Variants in GPHN observed in about 807,000 individuals in gnomAD.
GPHN encodes gephyrin.
Under a neutral mutation model 95.5 loss-of-function variants are expected in GPHN, and 17 were observed. The ratio of observed to expected loss-of-function variants is 0.18; its 90% CI spans 0.12 to 0.27. GPHN has a LOEUF of 0.27. Among genes scored for constraint, GPHN ranks in the 10% least tolerant of loss-of-function variants. The pLI is 1.00. For synonymous variants in GPHN, 320 were observed against 322.5 expected (o/e 0.99, Z 0.08); for missense variants, 660 against 978.1 (o/e 0.67, Z 4.34).
At chr14:67,169,094 G>C in intron 21 of GPHN, 58 bp downstream of exon 21, 2 of 1,007,738 alleles carry the variant, frequency 2.0e-6, no homozygotes, top group Non-Finnish European at 3.2e-6. Context: ...TTAGGGATAT[G>C]ATTTCCTAAC....
chr14:66,710,434 AC>A (rs1430697247), intron 2 of GPHN, among the ~76,000 whole-genome samples: 2 of 152,298 alleles, frequency 1.3e-5, no homozygotes, highest in East Asian at 1.9e-4. Context: ...AGAAGCTGTT[AC>A]CCAGGTCGTG....
chr14:67,312,120 T>A, the GPHN span: 2 of 153,138 alleles, frequency 1.3e-5, no homozygotes, highest in African/African-American at 4.8e-5. Flanking sequence ...TCTCTCAAGC[T>A]TTTGAGGCAC....
chr14:67,171,658 C>T lies in GPHN; in HGVS notation c.2079+2622C>T, dbSNP rs933205128. ...TATAAGTCCCTCATGCCCATCCCCC[C>T]CTCACAAACACAGCCAGAACAATGA... On this transcript the variant is annotated intron_variant, in intron 21 of 22. Transcript: ENST00000478722. Among the ~76,000 whole-genome samples the T allele has an allele frequency of 1.4e-4, 21 of 152,218 alleles. No homozygotes were observed. In the South Asian group the frequency reaches 2.1e-3, roughly 15 times the overall value.
intron 17 of GPHN, among the ~76,000 whole-genome samples, chr14:67,131,543 A>G (rs1052472613): frequency 8.5e-5 from 13 of 152,172 alleles, no homozygotes; most frequent in East Asian, 1.9e-4. Context: ...AGCAGGCCAG[A>G]AAGTATGGTA....
chr14:67,650,643 T>C, the GPHN span: 12 of 1,412,628 alleles, frequency 8.5e-6, no homozygotes, highest in Middle Eastern at 7.3e-4. Flanking sequence ...GTTCTCCCTG[T>C]CCCAGTGGGA....
At chr14:67,223,962 T>C in the GPHN span, 7 of 985,214 alleles carry the variant, frequency 7.1e-6, no homozygotes, top group Non-Finnish European at 8.4e-6. Context: ...TTCTAATTTA[T>C]ATTATAGGCG....
At chr14:67,692,524 G>A in the GPHN span, 50 of 1,613,224 alleles carry the variant, frequency 3.1e-5, no homozygotes, top group East Asian at 1.3e-4. Context: ...GTTCCCTGTC[G>A]TGGTCTGGAT....
At chr14:66,602,170 A>G (rs1456387755) in intron 1 of GPHN, among the ~76,000 whole-genome samples, 1 of 151,980 alleles carries the variant, frequency 6.6e-6, no homozygotes, top group Non-Finnish European at 1.5e-5. Flanking sequence ...TTTATGACTA[A>G]TAATTTCTAT....
intron 1 of GPHN, among the ~76,000 whole-genome samples, chr14:66,580,671 A>G (rs187991994): frequency 6.6e-6 from 1 of 151,954 alleles, no homozygotes; most frequent in East Asian, 1.9e-4. Flanking sequence ...AGGAAGTTGA[A>G]TCAGCAGTCA....
chr14:67,673,583 T>C, the GPHN span, among the ~76,000 whole-genome samples: 1 of 152,306 alleles, frequency 6.6e-6, no homozygotes, highest in East Asian at 1.9e-4. Context: ...ACAATAAATA[T>C]ATATTAAATA....
At chr14:67,543,557 C>G in the GPHN span, among the ~76,000 whole-genome samples, 1 of 152,198 alleles carries the variant, frequency 6.6e-6, no homozygotes, top group African/African-American at 2.4e-5. Flanking sequence ...CCAGTCCTCT[C>G]AATTGAAGTC....
chr14:67,104,169 T>A (rs1276200260), intron 13 of GPHN, among the ~76,000 whole-genome samples: 2 of 152,226 alleles, frequency 1.3e-5, no homozygotes, highest in African/African-American at 4.8e-5. Flanking sequence ...TGTATCACAT[T>A]TATTGATGGG....
At chr14:67,721,740 T>G in the GPHN span, among the ~76,000 whole-genome samples, 2 of 550 alleles carry the variant, frequency 3.6e-3, no homozygotes, top group African/African-American at 0.011. Context: ...CAAGTGGGGA[T>G]ATATATATAT....
At chr14:66,671,376 T>C (rs1459353172) in intron 1 of GPHN, among the ~76,000 whole-genome samples, 1 of 152,182 alleles carries the variant, frequency 6.6e-6, no homozygotes, top group East Asian at 1.9e-4. Context: ...TGGCTGGAAA[T>C]GTAATTTGAA....
the GPHN span, among the ~76,000 whole-genome samples, chr14:67,195,064 G>C: frequency 6.6e-6 from 1 of 152,150 alleles, no homozygotes; most frequent in African/African-American, 2.4e-5. Context: ...TAGTGCACAG[G>C]TATCTCAAAT....
chr14:66,672,165 T>A (rs74057239), intron 1 of GPHN, among the ~76,000 whole-genome samples: 10,300 of 152,188 alleles, frequency 0.068, 847 homozygotes, highest in African/African-American at 0.19. Flanking sequence ...AATAAAAATA[T>A]TTCTAAATAT....
At chr14:67,725,075 G>C in the GPHN span, 1 of 1,613,868 alleles carries the variant, frequency 6.2e-7, no homozygotes, top group Non-Finnish European at 8.5e-7. Flanking sequence ...TGAACATACT[G>C]CTCTTTTTTT....
At chr14:67,203,069 GC>G in the GPHN span, 1 of 1,604,428 alleles carries the variant, frequency 6.2e-7, no homozygotes, top group Non-Finnish European at 8.5e-7. Flanking sequence ...ATCATATAAC[GC>G]CTTTTCCTGT....
chr14:66,790,341 C>A (rs903234862), intron 3 of GPHN, among the ~76,000 whole-genome samples: 1 of 152,138 alleles, frequency 6.6e-6, no homozygotes, highest in Non-Finnish European at 1.5e-5. Flanking sequence ...GTACTCATTA[C>A]CTAGGCTGAA....
Sources: gnomAD v4.1 joint callset for allele counts (sites outside exome capture counted in the v4.1 genomes callset) on GRCh38, gnomAD v4.1.1 for gene constraint, MANE v1.5 for transcripts, NCBI Gene and HGNC (gene_info 2026-07-23, HGNC 2026-07-21) for gene names.